The following TRPC4 variants were observed in gnomAD, a reference collection of about 807,000 sequenced individuals.
The protein encoded by TRPC4 is short transient receptor potential channel 4.
A neutral mutation model predicts 99.4 loss-of-function variants in TRPC4; 49 were observed. The ratio of observed to expected loss-of-function variants is 0.49; its 90% confidence interval spans 0.39 to 0.63. TRPC4 has a LOEUF of 0.63. TRPC4 is among the 20% of genes least tolerant of loss of function. The probability of loss-of-function intolerance (pLI) is 0.00; values close to 1 mark genes in which losing one functional copy is unlikely to be tolerated. For missense variants in TRPC4, 898 were observed against 1,152.9 expected (o/e 0.78, Z 3.20); for synonymous variants, 454 against 425.9 (o/e 1.07, Z -0.81).
intron 8 of TRPC4, among the ~76,000 whole-genome samples, chr13:37,642,438 T>C (rs1162573298): frequency 1.3e-5 from 2 of 152,086 alleles, no homozygotes; most frequent in East Asian, 3.9e-4. Context: ...GGCATCTCAT[T>C]TGGTCGAGTT....
intron 3 of TRPC4, among the ~76,000 whole-genome samples, chr13:37,720,625 A>C (rs1954838960): frequency 6.6e-6 from 1 of 152,144 alleles, no homozygotes; most frequent in Non-Finnish European, 1.5e-5. Flanking sequence ...TTATTTCTCA[A>C]TACCTCAGAT....
chr13:37,726,672 G>A (rs1390228591), intron 3 of TRPC4, among the ~76,000 whole-genome samples: 2 of 152,068 alleles, frequency 1.3e-5, no homozygotes, highest in Admixed American at 6.6e-5. Context: ...TTGACGGAAT[G>A]AATAAGACAT....
At chr13:37,706,043 A>G (rs1293604286) in intron 3 of TRPC4, among the ~76,000 whole-genome samples, 2 of 152,172 alleles carry the variant, frequency 1.3e-5, no homozygotes, top group Non-Finnish European at 2.9e-5. Context: ...CCTTAAACAT[A>G]CATTTACAAT....
intron 2 of TRPC4, among the ~76,000 whole-genome samples, chr13:37,750,414 T>C (rs1308479491): frequency 6.6e-6 from 1 of 152,144 alleles, no homozygotes; most frequent in East Asian, 1.9e-4. Context: ...TACGTTGGTT[T>C]TATTTATTAT....
intron 1 of TRPC4, among the ~76,000 whole-genome samples, chr13:37,824,375 T>G (rs1958132280): frequency 6.7e-6 from 1 of 150,164 alleles, no homozygotes; most frequent in Non-Finnish European, 1.5e-5. Flanking sequence ...ATGCTTCCAG[T>G]TTTTGCCCAT....
chr13:37,775,602 T>C (rs7321594), intron 2 of TRPC4, among the ~76,000 whole-genome samples: 68,276 of 151,008 alleles, frequency 0.45, 15,738 homozygotes, highest in Middle Eastern at 0.5. Flanking sequence ...AATATCTAAA[T>C]ATTTCTCTCT....
intron 8 of TRPC4, among the ~76,000 whole-genome samples, chr13:37,644,576 T>G (rs897170925): frequency 1.3e-5 from 2 of 152,022 alleles, no homozygotes; most frequent in Non-Finnish European, 2.9e-5. Flanking sequence ...ACATAGAAAT[T>G]TCTGGAACTT....
chr13:37,766,823 C>T (rs12584260), intron 2 of TRPC4, among the ~76,000 whole-genome samples: 11,570 of 151,422 alleles, frequency 0.076, 602 homozygotes, highest in Admixed American at 0.15. Context: ...TGTCTACTCA[C>T]AGGACTAAGT....
chr13:37,765,257 T>C (rs1956333549), intron 2 of TRPC4, among the ~76,000 whole-genome samples: 1 of 151,456 alleles, frequency 6.6e-6, no homozygotes, highest in African/African-American at 2.4e-5. Flanking sequence ...TATTAATTCA[T>C]TAAAATAGGG....
At chr13:37,845,456 T>C (rs1958865156) in intron 1 of TRPC4, among the ~76,000 whole-genome samples, 1 of 151,666 alleles carries the variant, frequency 6.6e-6, no homozygotes. Flanking sequence ...CAAAGAAACA[T>C]AAATAATAAA....
intron 1 of TRPC4, among the ~76,000 whole-genome samples, chr13:37,840,302 T>G (rs557121879): frequency 7.2e-5 from 11 of 152,264 alleles, no homozygotes; most frequent in Admixed American, 7.2e-4. Context: ...TTAGTACAAT[T>G]ATTATTCAAA....
chr13:37,777,756 CTT>C (rs1346013094), intron 2 of TRPC4, among the ~76,000 whole-genome samples: 1 of 151,936 alleles, frequency 6.6e-6, no homozygotes, highest in African/African-American at 2.4e-5. Flanking sequence ...TATAAAAACA[CTT>C]TTACAGAATT....
rs746865436 is a variant in TRPC4 at position 37,637,445 on chromosome 13, C to A, written c.2392G>T (p.Asp798Tyr). The A allele has an allele frequency of 6.2e-7, 1 of 1,613,538 alleles. No individual in the cohort carries two copies. The highest frequency in any genetic ancestry group is 2.2e-5 in the East Asian group (1 of 44,866). ...CTCGGATGAATCAGGGTGGTTAAAT[C>A]AAAAAGGCTGAAATTCTTTTTCTTG... ...KDKKKNFSLF[D>Y]LTTLIHPRSA... Residue 798 changes from aspartate to tyrosine, a missense_variant, in exon 11 of 11, where the codon GAT (aspartate) becomes TAT (tyrosine). Asp to Tyr is a radical substitution (Grantham distance 160, BLOSUM62 -3). Coordinates refer to ENST00000379705, the MANE Select transcript of TRPC4 (RefSeq NM_016179.4).
At chr13:37,796,113 G>C (rs925783350) in intron 1 of TRPC4, among the ~76,000 whole-genome samples, 2 of 152,146 alleles carry the variant, frequency 1.3e-5, no homozygotes, top group African/African-American at 4.8e-5. Flanking sequence ...ATGCTCCTGA[G>C]TGAGGCTGGT....
intron 4 of TRPC4, among the ~76,000 whole-genome samples, chr13:37,691,215 C>T (rs1179716067): frequency 2.6e-5 from 4 of 152,108 alleles, no homozygotes; most frequent in Admixed American, 2.0e-4. Flanking sequence ...CATTCTCCTG[C>T]CTCAGCCTCC....
chr13:37,813,766 A>G (rs1226702903), intron 1 of TRPC4, among the ~76,000 whole-genome samples: 1 of 151,900 alleles, frequency 6.6e-6, no homozygotes, highest in Admixed American at 6.6e-5. Context: ...GTCTTCATAG[A>G]TAAATTCTAC....
At chr13:37,859,626 T>C (rs2139710911) in intron 1 of TRPC4, among the ~76,000 whole-genome samples, 1 of 151,508 alleles carries the variant, frequency 6.6e-6, no homozygotes, top group Admixed American at 6.6e-5. Flanking sequence ...CAACCTAGAA[T>C]ACTCTAGCTA....
chr13:37,717,864 A>G (rs1368571726), intron 3 of TRPC4, among the ~76,000 whole-genome samples: 2 of 152,164 alleles, frequency 1.3e-5, no homozygotes, highest in Admixed American at 1.3e-4. Context: ...AGAAAACACA[A>G]TGAAAAACTA....
Position 37,682,231 on chromosome 13 carries a change from C to T in TRPC4, c.1235-7864G>A, listed in dbSNP as rs192002593. ...TCTCTTATTTAAGCCGCAAAGCTGT[C>T]GGGGGCCTGACCTTGGAAGTCTCTT... is the stretch of plus-strand genomic sequence containing the variant. On this transcript the variant is annotated intron_variant, in intron 4 of 10. Coordinates refer to ENST00000379705, the MANE Select transcript of TRPC4 (RefSeq NM_016179.4). Among the ~76,000 whole-genome samples, 741 of 152,236 alleles carry T rather than the reference C, an allele frequency of 4.9e-3. 7 individuals carry two copies. The highest frequency in any genetic ancestry group is 6.8e-3 in the Non-Finnish European group (464 of 67,998).
Sources: gnomAD v4.1 joint callset for allele counts (sites outside exome capture counted in the v4.1 genomes callset) on GRCh38, gnomAD v4.1.1 for gene constraint, MANE v1.5 for transcripts, NCBI Gene and HGNC (gene_info 2026-07-23, HGNC 2026-07-21) for gene names.